Variants in EDC3 observed in about 807,000 individuals in gnomAD.
EDC3 encodes enhancer of mRNA decapping 3.
EDC3 carries 20 observed loss-of-function variants against 41.8 expected under a neutral mutation model. The observed-to-expected ratio is 0.48, with a 90% confidence interval of 0.34 to 0.70. EDC3 has a LOEUF of 0.70. Ranked by LOEUF, EDC3 falls within the 30% of genes least tolerant of loss-of-function variation. The pLI, the probability that EDC3 is intolerant of heterozygous loss-of-function variation, is 0.01. For missense variants in EDC3, 444 were observed against 636.8 expected (o/e 0.70, Z 3.26); for synonymous variants, 206 against 243.2 (o/e 0.85, Z 1.42).
At chr15:74,677,217 C>T (rs763359581) in intron 1 of EDC3, among the ~76,000 whole-genome samples, 2 of 152,030 alleles carry the variant, frequency 1.3e-5, no homozygotes, top group Non-Finnish European at 2.9e-5. Context: ...CATGCACCAC[C>T]ACACCTGGCT....
chr15:74,695,206 T>C (rs1451048773), intron 1 of EDC3: 1 of 152,136 alleles, frequency 6.6e-6, no homozygotes, highest in Non-Finnish European at 1.5e-5. Context: ...ATTGAAGAGT[T>C]AGGCGAAGCA....
intron 1 of EDC3, among the ~76,000 whole-genome samples, chr15:74,685,257 C>T (rs2062921994): frequency 6.6e-6 from 1 of 152,022 alleles, no homozygotes; most frequent in South Asian, 2.1e-4. Flanking sequence ...ACTAGCCAGG[C>T]TTGGTGGCAC....
intron 5 of EDC3, 50 bp from the exon 6 acceptor site, chr15:74,635,676 TTGCACCCTA>T: frequency 6.5e-7 from 1 of 1,526,964 alleles, no homozygotes; most frequent in South Asian, 1.2e-5. Flanking sequence ...TGCCAATCCC[TTGCACCCTA>T]TACCAGACAA....
At chr15:74,683,495 C>T (rs774351437) in intron 1 of EDC3, among the ~76,000 whole-genome samples, 4 of 152,092 alleles carry the variant, frequency 2.6e-5, no homozygotes, top group Non-Finnish European at 5.9e-5. Flanking sequence ...AGGTCAAGGT[C>T]GTGACAGTGT....
chr15:74,675,297 T>A (rs997510174), intron 1 of EDC3, among the ~76,000 whole-genome samples, 155 bp from the exon 2 acceptor site: 7 of 152,070 alleles, frequency 4.6e-5, no homozygotes, highest in African/African-American at 1.2e-4. Flanking sequence ...AAAATTAAAA[T>A]TTTTTTTCAG....
intron 4 of EDC3, among the ~76,000 whole-genome samples, chr15:74,654,026 G>A (rs2062513393): frequency 6.6e-6 from 1 of 152,126 alleles, no homozygotes; most frequent in Non-Finnish European, 1.5e-5. Flanking sequence ...GCCAAAGCAG[G>A]TGGATCACGA....
chr15:74,693,441 A>G (rs928596683), intron 1 of EDC3, among the ~76,000 whole-genome samples: 1 of 152,190 alleles, frequency 6.6e-6, no homozygotes, highest in Non-Finnish European at 1.5e-5. Flanking sequence ...CATTCTGGCA[A>G]TCACCAACCA....
intron 1 of EDC3, among the ~76,000 whole-genome samples, chr15:74,676,445 T>C (rs906365389): frequency 6.6e-6 from 1 of 152,040 alleles, no homozygotes; most frequent in African/African-American, 2.4e-5. Context: ...ATTAGCTCTT[T>C]GAAAATATTA....
intron 1 of EDC3, among the ~76,000 whole-genome samples, chr15:74,680,671 A>G (rs970353561): frequency 6.6e-6 from 1 of 152,226 alleles, no homozygotes; most frequent in Non-Finnish European, 1.5e-5. Context: ...AAAAGTATAC[A>G]GTTTGTAAAG....
chr15:74,657,196 G>A (rs1410628479), intron 3 of EDC3, among the ~76,000 whole-genome samples: 1 of 152,232 alleles, frequency 6.6e-6, no homozygotes, highest in Non-Finnish European at 1.5e-5. Context: ...TCTGTGGATG[G>A]CAGAGCTAAA....
intron 4 of EDC3, among the ~76,000 whole-genome samples, chr15:74,654,249 G>A (rs1236980136): frequency 1.1e-4 from 15 of 131,176 alleles, no homozygotes; most frequent in Admixed American, 1.7e-4. Flanking sequence ...GTGAGACTTC[G>A]TCTCAAAAAA....
intron 1 of EDC3, among the ~76,000 whole-genome samples, chr15:74,679,190 T>C (rs1315021171): frequency 6.6e-6 from 1 of 151,868 alleles, no homozygotes; most frequent in Non-Finnish European, 1.5e-5. Flanking sequence ...AGCAAGACTC[T>C]GTCTCAAAAA....
In EDC3 at chr15:74,645,826, T is replaced by A. The variant is rs2062409962; in HGVS notation, c.821-5207A>T. Among the ~76,000 whole-genome samples the A allele has an allele frequency of 2.0e-5, 3 of 152,144 alleles. No individual in the cohort carries two copies. In the South Asian group the frequency reaches 6.2e-4, roughly 32 times the overall value. ...GGCAGAGGCTGCAGTGAGCTGAGAT[T>A]GTGCCACTGCACTCTATCTAGCCTG... On this transcript the variant is annotated intron_variant, in intron 4 of 6. Transcript: ENST00000315127.
Position 74,631,037 on chromosome 15 carries a change from A to G in EDC3, c.*1575T>C, listed in dbSNP as rs1390752963. Reference sequence around the variant, plus strand: ...GAGCTGCTTGGCCCTGAGAGTGAGCAGAGGCTCAGAGAATACACAGCACAA... The same window carrying G: ...GAGCTGCTTGGCCCTGAGAGTGAGCGGAGGCTCAGAGAATACACAGCACAA... On this transcript the variant is annotated 3_prime_UTR_variant, in exon 7 of 7. Transcript: ENST00000315127. 2 of 152,268 alleles carry G rather than the reference A, an allele frequency of 1.3e-5. No homozygotes were observed. Among genetic ancestry groups the G allele is most frequent in the Non-Finnish European group, 2.9e-5 (2 of 68,052 alleles). 9.4% of individuals were successfully genotyped at this position (152,268 alleles called of 1,614,324 possible).
At chr15:74,633,969 C>G (rs1256732485) in intron 6 of EDC3, among the ~76,000 whole-genome samples, 2 of 152,138 alleles carry the variant, frequency 1.3e-5, no homozygotes, top group African/African-American at 4.8e-5. Context: ...GAGCCTGGCC[C>G]GAGACTTAGC....
intron 1 of EDC3, among the ~76,000 whole-genome samples, chr15:74,684,033 C>A (rs2062904900): frequency 6.7e-6 from 1 of 149,880 alleles, no homozygotes; most frequent in African/African-American, 2.5e-5. Flanking sequence ...CCAGCCTGGG[C>A]AACAGAGCCA....
At chr15:74,669,053 T>TG (rs2062710369) in intron 3 of EDC3, among the ~76,000 whole-genome samples, 1 of 151,848 alleles carries the variant, frequency 6.6e-6, no homozygotes, top group Non-Finnish European at 1.5e-5. Flanking sequence ...TTGGGCAACA[T>TG]GGCATTATCC....
chr15:74,639,255 C>T (rs887840136), intron 5 of EDC3: 4 of 151,514 alleles, frequency 2.6e-5, no homozygotes, highest in African/African-American at 9.7e-5. Context: ...ACAAGACTAA[C>T]TATGTCATAG....
At chr15:74,635,100 T>C (rs2062255026) in intron 6 of EDC3, 1 of 571,112 alleles carries the variant, frequency 1.8e-6, no homozygotes, top group Non-Finnish European at 3.3e-6. Context: ...CTAACCAGAA[T>C]ATAAGCTCCA....
Sources: gnomAD v4.1 joint callset for allele counts (sites outside exome capture counted in the v4.1 genomes callset) on GRCh38, gnomAD v4.1.1 for gene constraint, MANE v1.5 for transcripts, NCBI Gene and HGNC (gene_info 2026-07-23, HGNC 2026-07-21) for gene names.